Variants in SMOC1 observed in about 807,000 individuals in gnomAD.
SMOC1 encodes SPARC-related modular calcium-binding protein 1.
A neutral mutation model predicts 56.3 loss-of-function variants in SMOC1; 22 were observed. The observed-to-expected ratio is 0.39, with a 90% confidence interval of 0.28 to 0.56. SMOC1 has a LOEUF of 0.56. Among genes scored for constraint, SMOC1 ranks in the 20% least tolerant of loss-of-function variants. The pLI is 0.61. For synonymous variants in SMOC1, 193 were observed against 215.0 expected, an observed-to-expected ratio of 0.90 and a Z score of 0.89; for missense variants, 509 against 565.4, an observed-to-expected ratio of 0.90 and a Z score of 1.01.
At position 70,030,930 on chromosome 14, in the gene SMOC1, A is replaced by G. The variant is rs1441464055; in HGVS notation, c.*672A>G. The G allele has an allele frequency of 6.6e-6, 1 of 152,198 alleles. No individual in the cohort carries two copies. The highest frequency in any genetic ancestry group is 1.5e-5 in the Non-Finnish European group (1 of 68,114). 9.4% of individuals were successfully genotyped at this position (152,198 alleles called of 1,614,324 possible). A position where few individuals can be genotyped will look rare whatever the true frequency, so the allele number is the denominator to read the frequency against. On this transcript the variant is annotated 3_prime_UTR_variant, in exon 12 of 12. Transcript: ENST00000361956. The stretch of plus-strand genomic sequence containing the variant: ...GAGGTTGGGCTAAGGAGAGATGGAA[A>G]CTGCCCTGGGAGAGGAAGGGAGTCC...
intron 5 of SMOC1, among the ~76,000 whole-genome samples, chr14:69,981,265 G>A (rs750272818): frequency 6.6e-6 from 1 of 152,136 alleles, no homozygotes. Context: ...CCAGATGCAC[G>A]TGCTCCAGGA....
At chr14:69,984,785 AG>A (rs918530025) in intron 5 of SMOC1, among the ~76,000 whole-genome samples, 24 of 151,824 alleles carry the variant, frequency 1.6e-4, no homozygotes, top group African/African-American at 5.8e-4. Context: ...TGAACCCAGG[AG>A]GTGGAGGTTG....
chr14:70,021,538 C>T (rs2139611442), intron 10 of SMOC1, among the ~76,000 whole-genome samples: 1 of 152,292 alleles, frequency 6.6e-6, no homozygotes, highest in South Asian at 2.1e-4. Flanking sequence ...TCCACGGCTC[C>T]CTCACACCTT....
intron 1 of SMOC1, among the ~76,000 whole-genome samples, chr14:69,907,487 CAA>C (rs1884441293): frequency 1.3e-5 from 2 of 152,114 alleles, no homozygotes; most frequent in Admixed American, 6.5e-5. Flanking sequence ...TGTAGTTACA[CAA>C]AAGAGAAGAA....
At chr14:69,909,076 A>ACTTTG (rs1884487029) in intron 1 of SMOC1, among the ~76,000 whole-genome samples, 1 of 151,610 alleles carries the variant, frequency 6.6e-6, no homozygotes, top group Non-Finnish European at 1.5e-5. Flanking sequence ...CTATGGGTGG[A>ACTTTG]CTCCTTCAGG....
At chr14:69,989,945 A>C (rs1027935576) in intron 5 of SMOC1, among the ~76,000 whole-genome samples, 1 of 152,186 alleles carries the variant, frequency 6.6e-6, no homozygotes, top group Non-Finnish European at 1.5e-5. Flanking sequence ...AGCATGCTGG[A>C]TGTCACAGGT....
intron 10 of SMOC1, among the ~76,000 whole-genome samples, chr14:70,020,632 G>C (rs901967516): frequency 6.6e-6 from 1 of 152,190 alleles, no homozygotes; most frequent in African/African-American, 2.4e-5. Context: ...TCTCAGCCCA[G>C]TGGCTCAGCT....
rs374343145 is a variant in SMOC1, at chr14:69,953,545, A to C, written c.378+13A>C. On this transcript the variant is annotated intron_variant, in intron 3 of 11. Coordinates refer to ENST00000361956, the MANE Select transcript of SMOC1 (RefSeq NM_001034852.3). ...CTCCTTTACCCAGGTGAGGCCTCGG[A>C]CAATCCTCTTGGGCTCTTTCCTGGA... The C allele has an allele frequency of 3.1e-4, 500 of 1,608,068 alleles. 1 individual carries two copies. In the African/African-American group the frequency reaches 6.1e-3, roughly 20 times the overall value.
chr14:69,931,304 G>A (rs999979263), intron 1 of SMOC1, among the ~76,000 whole-genome samples: 15 of 152,308 alleles, frequency 9.8e-5, no homozygotes, highest in African/African-American at 3.6e-4. Flanking sequence ...ATCCTTCAAG[G>A]GGCAGCCTGA....
chr14:69,931,006 A>G (rs1885151402), intron 1 of SMOC1, among the ~76,000 whole-genome samples: 1 of 152,102 alleles, frequency 6.6e-6, no homozygotes, highest in Non-Finnish European at 1.5e-5. Flanking sequence ...TTTTGCATTT[A>G]TTCTCTTTCC....
At chr14:69,898,766 A>T (rs1016007065) in intron 1 of SMOC1, among the ~76,000 whole-genome samples, 1 of 152,016 alleles carries the variant, frequency 6.6e-6, no homozygotes, top group African/African-American at 2.4e-5. Context: ...TAATTCCAAC[A>T]TCTCAGCCAT....
intron 3 of SMOC1, among the ~76,000 whole-genome samples, chr14:69,968,047 T>A (rs1047581938): frequency 6.6e-6 from 1 of 152,250 alleles, no homozygotes; most frequent in Non-Finnish European, 1.5e-5. Context: ...AGTCACTAGA[T>A]TCATGCATTA....
intron 1 of SMOC1, among the ~76,000 whole-genome samples, chr14:69,925,822 T>A (rs1884994050): frequency 6.6e-6 from 1 of 152,190 alleles, no homozygotes; most frequent in Non-Finnish European, 1.5e-5. Context: ...GAGGTTGTTC[T>A]TTTTCCAATT....
At chr14:70,001,988 T>G (rs1358859200) in intron 7 of SMOC1, among the ~76,000 whole-genome samples, 1 of 151,940 alleles carries the variant, frequency 6.6e-6, no homozygotes, top group African/African-American at 2.4e-5. Flanking sequence ...GCAGGAGGAG[T>G]GATAGGCACT....
At position 69,977,918 on chromosome 14, in the gene SMOC1, G is replaced by T. The variant is rs761261696; in HGVS notation, c.479G>T (p.Gly160Val). 1.2e-5 allele frequency: 20 copies of T among 1,613,892 alleles called. No individual in the cohort carries two copies. Among genetic ancestry groups the T allele is most frequent in the Admixed American group, 1.7e-5 (1 of 60,020 alleles). Residue 160 changes from glycine to valine, a missense_variant and splice_region_variant, in exon 5 of 12, where the codon GGT (glycine) becomes GTT (valine). By Grantham distance (109) the Gly-to-Val change is moderately radical. Transcript: ENST00000361956. ...SVQNKTPVCS[G>V]SVTDKPLSQG... ...GTTTTTGTTTCCCTTCTCACCCAAG[G>T]TTCAGTCACCGACAAGCCCTTGAGC... is the stretch of plus-strand genomic sequence containing the variant.
At chr14:69,972,423 C>T (rs1350904662) in intron 3 of SMOC1, among the ~76,000 whole-genome samples, 1 of 152,012 alleles carries the variant, frequency 6.6e-6, no homozygotes, top group Non-Finnish European at 1.5e-5. Flanking sequence ...GCTGTCCCCA[C>T]ACCTGCGGCA....
chr14:69,899,841 C>T (rs866301983), intron 1 of SMOC1, among the ~76,000 whole-genome samples: 2 of 152,192 alleles, frequency 1.3e-5, no homozygotes, highest in South Asian at 2.1e-4. Context: ...GTTTAGATAC[C>T]GGTTTAGGTT....
At chr14:69,999,572 T>C (rs141817843) in intron 7 of SMOC1, among the ~76,000 whole-genome samples, 10 of 152,290 alleles carry the variant, frequency 6.6e-5, no homozygotes, top group Admixed American at 5.9e-4. Flanking sequence ...ACACCCTGGA[T>C]ATTTATTTCC....
chr14:69,989,006 T>C (rs994753716), intron 5 of SMOC1, among the ~76,000 whole-genome samples: 7 of 152,364 alleles, frequency 4.6e-5, no homozygotes, highest in Non-Finnish European at 8.8e-5. Flanking sequence ...CAGTGAATAT[T>C]TCTATACATG....
Sources: gnomAD v4.1 joint callset for allele counts (sites outside exome capture counted in the v4.1 genomes callset) on GRCh38, gnomAD v4.1.1 for gene constraint, MANE v1.5 for transcripts, NCBI Gene and HGNC (gene_info 2026-07-23, HGNC 2026-07-21) for gene names.